The following DNAH7 variants were observed in gnomAD, a reference collection of about 807,000 sequenced individuals.
The protein encoded by DNAH7 is axonemal beta dynein heavy chain 7.
In DNAH7, 397 loss-of-function variants were observed where a neutral mutation model predicts 444.6. That is an observed-to-expected ratio of 0.89 (90% confidence interval 0.82 to 0.97). The LOEUF (loss-of-function observed/expected upper bound fraction) is 0.97, where lower values mean the gene tolerates loss of function less well. Among genes scored for constraint, DNAH7 ranks in the 50% least tolerant of loss-of-function variants. DNAH7 has a pLI of 0.00. For synonymous variants in DNAH7, 1,636 were observed against 1,624.4 expected (o/e 1.01, Z -0.17); for missense variants, 4,902 against 4,800.8 (o/e 1.02, Z -0.62).
At chr2:196,042,522 C>T (rs1006284178) in intron 5 of DNAH7, among the ~76,000 whole-genome samples, 8 of 151,332 alleles carry the variant, frequency 5.3e-5, no homozygotes, top group East Asian at 1.9e-4. Context: ...CAGCAAACTA[C>T]GCAATAAAAA....
chr2:195,817,099 A>T, intron 50 of DNAH7, 136 bp from the exon 51 acceptor site: 1 of 637,858 alleles, frequency 1.6e-6, no homozygotes, highest in South Asian at 2.4e-5. Context: ...TGTAATGGTG[A>T]TGCCTTATAA....
At chr2:195,766,167 A>ATTTTTTTTTGTTTTTTTT (rs1694571013) in intron 61 of DNAH7, among the ~76,000 whole-genome samples, 1 of 57,328 alleles carries the variant, frequency 1.7e-5, no homozygotes, top group Non-Finnish European at 3.7e-5. Context: ...GTGGGAGCTA[A>ATTTTTTTTTGTTTTTTTT]TTTTTTTTTT....
At chr2:195,918,649 G>T (rs1171120728) in intron 24 of DNAH7, among the ~76,000 whole-genome samples, 1 of 152,158 alleles carries the variant, frequency 6.6e-6, no homozygotes, top group Non-Finnish European at 1.5e-5. Flanking sequence ...ATTGCTAAGT[G>T]AAAAGAGACA....
chr2:195,902,745 A>G (rs1686785425), intron 27 of DNAH7: 1 of 152,178 alleles, frequency 6.6e-6, no homozygotes, highest in East Asian at 1.9e-4. Context: ...GGGTATCATG[A>G]TATTCCATTT....
intron 44 of DNAH7, among the ~76,000 whole-genome samples, chr2:195,856,796 C>G (rs977303193): frequency 6.6e-6 from 1 of 152,164 alleles, no homozygotes; most frequent in Non-Finnish European, 1.5e-5. Context: ...GAGGTCTTCC[C>G]TCGTCCAACT....
intron 44 of DNAH7, among the ~76,000 whole-genome samples, chr2:195,857,037 T>C (rs577647232): frequency 8.8e-4 from 134 of 152,258 alleles, no homozygotes; most frequent in Admixed American, 1.6e-3. Flanking sequence ...TCACTTGTAT[T>C]AACATGTAAC....
intron 61 of DNAH7, among the ~76,000 whole-genome samples, chr2:195,765,364 A>G (rs1694522965): frequency 6.6e-6 from 1 of 152,204 alleles, no homozygotes; most frequent in Non-Finnish European, 1.5e-5. Flanking sequence ...AAACAAAGCA[A>G]AAGTAGACAA....
At chr2:195,749,951 G>A (rs911208713) in intron 63 of DNAH7, among the ~76,000 whole-genome samples, 1 of 151,670 alleles carries the variant, frequency 6.6e-6, no homozygotes, top group African/African-American at 2.4e-5. Context: ...CCTGCACATT[G>A]TGCACATGTA....
chr2:195,771,631 G>A, intron 61 of DNAH7, 29 bp downstream of exon 61: 1 of 1,498,572 alleles, frequency 6.7e-7, no homozygotes, highest in Non-Finnish European at 9.3e-7. Flanking sequence ...TAATTTAATG[G>A]GGGTTTTTTT....
intron 17 of DNAH7, among the ~76,000 whole-genome samples, chr2:195,967,133 T>C (rs9989804): frequency 0.057 from 8,676 of 152,166 alleles, 395 homozygotes; most frequent in African/African-American, 0.13. Flanking sequence ...TATATAGTTT[T>C]TTATGTTAGA....
intron 50 of DNAH7, 25 bp from the exon 51 acceptor site, chr2:195,816,988 GAAGAAA>G (rs756888167): frequency 6.7e-7 from 1 of 1,490,502 alleles, no homozygotes; most frequent in Non-Finnish European, 9.0e-7. Flanking sequence ...AATTTTCTTA[GAAGAAA>G]AAGAAGTCAT....
rs373108957 is a variant in DNAH7 at position 195,834,197 on chromosome 2, A to G, written c.9100+9T>C. 49 of 1,599,132 alleles carry G rather than the reference A, an allele frequency of 3.1e-5. No homozygotes were observed. In the African/African-American group the frequency reaches 5.4e-4, roughly 17 times the overall value. ...TTCTGTAATGTATCTTAGTTATTCAACTACATACCAGGAGTACCAAACTGG... is the reference window on the plus strand; with the variant it reads ...TTCTGTAATGTATCTTAGTTATTCAGCTACATACCAGGAGTACCAAACTGG... On this transcript the variant is annotated intron_variant, in intron 48 of 64. Transcript: ENST00000312428.
intron 12 of DNAH7, chr2:195,995,347 G>T: frequency 1.9e-6 from 1 of 519,010 alleles, no homozygotes; most frequent in South Asian, 1.4e-5. Context: ...TGGAGAGACT[G>T]GCTCAGGAGC....
Position 195,816,889 on chromosome 2 carries a change from G to A in DNAH7, c.9500C>T (p.Thr3167Ile), listed in dbSNP as rs1697247762. Reference protein sequence around the residue: ...SSEGNILEDETAIKILSSSKA... With the variant: ...SSEGNILEDEIAIKILSSSKA... ...GGAGGAAGATAATATCTTAATAGCA[G>A]TTTCATCTTCTAATATATTGCCTTC... Residue 3167 changes from threonine (T) to isoleucine (I), a missense_variant, in exon 51 of 65, where the codon ACT (threonine) becomes ATT (isoleucine). Thr to Ile is a moderately conservative substitution (Grantham distance 89). Coordinates refer to ENST00000312428, the MANE Select transcript of DNAH7 (RefSeq NM_018897.3). 1.9e-6 allele frequency: 3 copies of A among 1,613,964 alleles called. No homozygotes were observed. Among genetic ancestry groups the A allele is most frequent in the East Asian group, 4.5e-5 (2 of 44,854 alleles).
In DNAH7 at chr2:195,798,537, A is replaced by ATTTT. The variant is rs754058331; in HGVS notation, c.10353+755_10353+758dup. ...AAAGACAAGGCATGTAAATAGTAGA[A>ATTTT]TTTTTTTTTTTTTTTTTTTTTCTTG... On this transcript the variant is annotated intron_variant, in intron 55 of 64. Transcript: ENST00000312428. Among the ~76,000 whole-genome samples, 256 of 107,442 alleles carry ATTTT rather than the reference A, an allele frequency of 2.4e-3. 7 individuals are homozygous for ATTTT. The highest frequency in any genetic ancestry group is 8.0e-3 in the African/African-American group (226 of 28,316). The allele number at this position is 107,442 out of a possible 152,430, so 70.5% of individuals were successfully genotyped here.
At chr2:195,955,108 G>T (rs1414485261) in intron 19 of DNAH7, among the ~76,000 whole-genome samples, 1 of 152,178 alleles carries the variant, frequency 6.6e-6, no homozygotes, top group African/African-American at 2.4e-5. Context: ...CCATGCCTAT[G>T]TCTTGAATGG....
At chr2:195,967,326 A>G (rs1419877451) in intron 17 of DNAH7, among the ~76,000 whole-genome samples, 1 of 152,064 alleles carries the variant, frequency 6.6e-6, no homozygotes, top group African/African-American at 2.4e-5. Flanking sequence ...CTTGAAAAGT[A>G]GTTGCATTTA....
intron 17 of DNAH7, among the ~76,000 whole-genome samples, chr2:195,964,126 T>C (rs1157208242): frequency 6.6e-6 from 1 of 152,188 alleles, no homozygotes; most frequent in Non-Finnish European, 1.5e-5. Context: ...TGTAGAACTG[T>C]GGGGATGGGC....
chr2:195,775,836 G>A lies in DNAH7; in HGVS notation c.11202+10C>T, dbSNP rs757875395. ...GGCCTCAGAATCCAGGTCCTATACA[G>A]ATCACACACCTGTGTAAGAAGAATG... On this transcript the variant is annotated intron_variant, in intron 60 of 64. Coordinates refer to ENST00000312428, the MANE Select transcript of DNAH7 (RefSeq NM_018897.3). 6.2e-7 allele frequency: 1 copy of A among 1,613,430 alleles called. No individual in the cohort carries two copies. Among genetic ancestry groups the A allele is most frequent in the Non-Finnish European group, 8.5e-7 (1 of 1,179,622 alleles).
Sources: allele counts gnomAD v4.1 joint callset (sites outside exome capture counted in the v4.1 genomes callset), GRCh38; gene constraint gnomAD v4.1.1; transcripts MANE v1.5; gene names NCBI Gene and HGNC (gene_info 2026-07-23, HGNC 2026-07-21).